The following EZH1 variants were observed in gnomAD, a reference collection of about 807,000 sequenced individuals.
EZH1 encodes histone-lysine N-methyltransferase EZH1.
Under a neutral mutation model 100.5 loss-of-function variants are expected in EZH1, and 33 were observed. The observed-to-expected ratio is 0.33, with a 90% confidence interval of 0.25 to 0.44. The LOEUF (loss-of-function observed/expected upper bound fraction) is 0.44, where lower values mean the gene tolerates loss of function less well. Ranked by LOEUF, EZH1 falls within the 20% of genes least tolerant of loss-of-function variation. EZH1 has a pLI of 1.00. For synonymous variants in EZH1, 272 were observed against 313.8 expected (o/e 0.87, Z 1.41); for missense variants, 475 against 928.4 (o/e 0.51, Z 6.35).
Position 42,706,001 on chromosome 17 carries a change from C to T in EZH1, c.1839+6G>A, listed in dbSNP as rs1198743330. On this transcript the variant is annotated splice_donor_region_variant and intron_variant, in intron 16 of 20. Transcript: ENST00000428826. This position sits in a 1 kb window ranked among gnomAD's most constrained non-coding sequence, Gnocchi z 4.4. Reference sequence around the variant, plus strand: ...TGTGGTGTGGGGTCCTGAGGAAAGGCCTCACCTTCTTAAGTCCACGCTGGA... The same window carrying T: ...TGTGGTGTGGGGTCCTGAGGAAAGGTCTCACCTTCTTAAGTCCACGCTGGA... The T allele has an allele frequency of 2.5e-5, 40 of 1,608,684 alleles. No homozygotes were observed. The highest frequency in any genetic ancestry group is 3.3e-5 in the Non-Finnish European group (39 of 1,177,502).
At chr17:42,716,343 C>T (rs937263729) in intron 10 of EZH1, among the ~76,000 whole-genome samples, 4 of 151,952 alleles carry the variant, frequency 2.6e-5, no homozygotes, top group South Asian at 2.1e-4. Flanking sequence ...GATATACATA[C>T]GCAAATTTAT....
At chr17:42,743,872 C>T (rs898893016) in intron 1 of EZH1, among the ~76,000 whole-genome samples, 1 of 152,134 alleles carries the variant, frequency 6.6e-6, no homozygotes, top group Non-Finnish European at 1.5e-5. Flanking sequence ...TTCACAGAAA[C>T]CTCTAATAGG....
rs376913453 is a variant in EZH1, at chr17:42,719,232, C to T, written c.665-25G>A. On this transcript the variant is annotated intron_variant, in intron 7 of 20. Coordinates refer to ENST00000428826, the MANE Select transcript of EZH1 (RefSeq NM_001991.5). Reference sequence around the variant, plus strand: ...CCTGAATTGGAAATGATAAAAAGCTCCTGAGTGCGATTATCAGAACACGTA... The same window carrying T: ...CCTGAATTGGAAATGATAAAAAGCTTCTGAGTGCGATTATCAGAACACGTA... The T allele has an allele frequency of 5.8e-6, 9 of 1,553,964 alleles. No individual in the cohort carries two copies. In the African/African-American group the frequency reaches 1.1e-4, roughly 19 times the overall value.
chr17:42,739,586 G>A (rs2054136515), intron 1 of EZH1, among the ~76,000 whole-genome samples: 1 of 151,870 alleles, frequency 6.6e-6, no homozygotes, highest in Non-Finnish European at 1.5e-5. Context: ...AATTAGCCGG[G>A]CATGGTGGTG....
At chr17:42,738,882 C>G (rs565375656) in intron 1 of EZH1, among the ~76,000 whole-genome samples, 3 of 151,784 alleles carry the variant, frequency 2.0e-5, no homozygotes, top group Non-Finnish European at 4.4e-5. Context: ...GCCTCCACCC[C>G]CCCTGAGTAG....
chr17:42,744,967 A>C (rs773495786), intron 1 of EZH1, 44 bp downstream of exon 1: 3 of 1,253,766 alleles, frequency 2.4e-6, no homozygotes, highest in Non-Finnish European at 2.1e-6. Context: ...CGAGGGGAGG[A>C]GGCCCGGCCC....
intron 1 of EZH1, 35 bp downstream of exon 1, chr17:42,744,976 C>T (rs1388303882): frequency 2.4e-6 from 3 of 1,260,160 alleles, no homozygotes; most frequent in East Asian, 7.1e-5. Context: ...GAGGCCCGGC[C>T]CCACCGCCCG....
chr17:42,743,750 C>T (rs2054223201), intron 1 of EZH1, among the ~76,000 whole-genome samples: 1 of 151,944 alleles, frequency 6.6e-6, no homozygotes, highest in African/African-American at 2.4e-5. Context: ...CAGATATGAG[C>T]CACCGAGCCC....
chr17:42,728,764 C>A, intron 3 of EZH1, 61 bp downstream of exon 3: 1 of 1,532,642 alleles, frequency 6.5e-7, no homozygotes, highest in African/African-American at 1.4e-5. Context: ...AAATTCCAAC[C>A]CCTTTACACT....
Position 42,718,134 on chromosome 17 carries a change from T to G in EZH1, c.932-67A>C. Reference sequence around the variant, plus strand: ...TTGACAAGATGGGGAGAAACAAAAGTGAATTAGAGAGCTATTGTAGGAGTT... The same window carrying G: ...TTGACAAGATGGGGAGAAACAAAAGGGAATTAGAGAGCTATTGTAGGAGTT... On this transcript the variant is annotated intron_variant, in intron 9 of 20. Transcript: ENST00000428826. This position sits in a 1 kb window ranked among gnomAD's most constrained non-coding sequence, Gnocchi z 4.2. The G allele has an allele frequency of 7.4e-7, 1 of 1,347,538 alleles. No homozygotes were observed. The highest frequency in any genetic ancestry group is 1.1e-6 in the Non-Finnish European group (1 of 945,244). 83.5% of individuals were successfully genotyped at this position (1,347,538 alleles called of 1,614,324 possible). A position where few individuals can be genotyped will look rare whatever the true frequency, so the allele number is the denominator to read the frequency against.
chr17:42,710,759 G>A (rs2053463918), intron 12 of EZH1, among the ~76,000 whole-genome samples: 1 of 144,698 alleles, frequency 6.9e-6, no homozygotes, highest in Non-Finnish European at 1.5e-5. Context: ...AGCCTCCTGA[G>A]TACTAGGACT....
At chr17:42,707,350 C>T (rs1422790795) in intron 15 of EZH1, among the ~76,000 whole-genome samples, 1 of 152,122 alleles carries the variant, frequency 6.6e-6, no homozygotes, top group Non-Finnish European at 1.5e-5. Context: ...CAGCCTCTGC[C>T]CTCTGGGTTC....
chr17:42,714,831 T>C (rs2053559620), intron 10 of EZH1, among the ~76,000 whole-genome samples: 1 of 144,656 alleles, frequency 6.9e-6, no homozygotes, highest in Non-Finnish European at 1.5e-5. Context: ...GTATCAATTA[T>C]ACTATTTTAA....
At chr17:42,742,448 T>C (rs547116909) in intron 1 of EZH1, among the ~76,000 whole-genome samples, 58 of 152,254 alleles carry the variant, frequency 3.8e-4, no homozygotes, top group Non-Finnish European at 1.5e-5. Context: ...CAGCCTCTAG[T>C]GCTGTTTCAA....
chr17:42,721,211 G>C (rs180851750), intron 6 of EZH1, among the ~76,000 whole-genome samples: 1 of 152,276 alleles, frequency 6.6e-6, no homozygotes, highest in East Asian at 1.9e-4. Context: ...AGGCACTGTG[G>C]ACAAATAATG....
rs1339892792 is a variant in EZH1, at chr17:42,718,851, T to C, written c.768-234A>G. On this transcript the variant is annotated intron_variant, in intron 8 of 20. Transcript: ENST00000428826. This position sits in a 1 kb window ranked among gnomAD's most constrained non-coding sequence, Gnocchi z 4.2. Reference sequence around the variant, plus strand: ...AGGGAAGGATTTGTTAAGATGGTGCTGGAGTTAACTCTCCAGAAAAATGGC... The same window carrying C: ...AGGGAAGGATTTGTTAAGATGGTGCCGGAGTTAACTCTCCAGAAAAATGGC... Among the ~76,000 whole-genome samples the C allele has an allele frequency of 2.6e-5, 4 of 152,258 alleles. No individual in the cohort carries two copies. Among genetic ancestry groups the C allele is most frequent in the Non-Finnish European group, 5.9e-5 (4 of 68,012 alleles).
At chr17:42,712,257 G>A in intron 12 of EZH1, 32 bp downstream of exon 12, 1 of 1,603,530 alleles carries the variant, frequency 6.2e-7, no homozygotes, top group Non-Finnish European at 8.5e-7. Context: ...TGAAAGGAGG[G>A]GCCCATTTGT....
chr17:42,722,357 G>A (rs2053725898), intron 6 of EZH1, among the ~76,000 whole-genome samples: 1 of 151,644 alleles, frequency 6.6e-6, no homozygotes, highest in Non-Finnish European at 1.5e-5. Context: ...AGGCATGGTG[G>A]CTCACGCCTA....
rs921113596 is a variant in EZH1 at position 42,702,143 on chromosome 17, C to T, written c.*389G>A. On this transcript the variant is annotated 3_prime_UTR_variant, in exon 21 of 21. Coordinates refer to ENST00000428826, the MANE Select transcript of EZH1 (RefSeq NM_001991.5). Reference sequence around the variant, plus strand: ...TGCCTGCATCCCAATAACATAAGGACTCTTGATGTGGAAAGCTACAATTAC... The same window carrying T: ...TGCCTGCATCCCAATAACATAAGGATTCTTGATGTGGAAAGCTACAATTAC... The T allele has an allele frequency of 1.1e-5, 2 of 182,816 alleles. No individual in the cohort carries two copies. The highest frequency in any genetic ancestry group is 5.5e-5 in the Admixed American group (1 of 18,042). The allele number at this position is 182,816 out of a possible 1,614,324, so 11.3% of individuals were successfully genotyped here.
Sources: gnomAD v4.1 joint callset for allele counts (sites outside exome capture counted in the v4.1 genomes callset) on GRCh38, gnomAD v4.1.1 for gene constraint, Gnocchi (gnomAD v3.1) non-coding constraint, MANE v1.5 for transcripts, NCBI Gene and HGNC (gene_info 2026-07-23, HGNC 2026-07-21) for gene names.